Variants in PFKL observed in about 807,000 individuals in gnomAD.
PFKL encodes ATP-dependent 6-phosphofructokinase, liver type.
Under a neutral mutation model 92.1 loss-of-function variants are expected in PFKL, and 74 were observed. The ratio of observed to expected loss-of-function variants is 0.80; its 90% CI spans 0.67 to 0.97. The LOEUF (loss-of-function observed/expected upper bound fraction) is 0.97. PFKL is among the 50% of genes least tolerant of loss of function. The probability of loss-of-function intolerance (pLI) is 0.00; values close to 1 mark genes in which losing one functional copy is unlikely to be tolerated. For synonymous variants in PFKL, 494 were observed against 456.4 expected (o/e 1.08, Z -1.05); for missense variants, 1,028 against 1,116.6 (o/e 0.92, Z 1.13).
At chr21:44,310,947 A>C (rs2146449312) in intron 2 of PFKL, 59 bp from the exon 3 acceptor site, 2 of 1,282,760 alleles carry the variant, frequency 1.6e-6, no homozygotes, top group Non-Finnish European at 2.3e-6. Flanking sequence ...CTCCCAGACC[A>C]CTTGCTGCCG....
Position 44,324,313 on chromosome 21 carries a change from C to T in PFKL, c.1651-178C>T, listed in dbSNP as rs147713851. ...GGGGTGGGGTCGCCTGGTTGAGAAC[C>T]CCTGGTCCTGTGGGGCCCAGGTGGG... On this transcript the variant is annotated intron_variant, in intron 16 of 21. Coordinates refer to ENST00000349048, the MANE Select transcript of PFKL (RefSeq NM_002626.6). The T allele has an allele frequency of 2.7e-3, 1,766 of 644,670 alleles. 4 individuals carry two copies. Among genetic ancestry groups the T allele is most frequent in the Non-Finnish European group, 4.1e-3 (1,557 of 376,526 alleles). 39.9% of individuals were successfully genotyped at this position (644,670 alleles called of 1,614,324 possible).
intron 1 of PFKL, among the ~76,000 whole-genome samples, chr21:44,301,305 C>G (rs1469495299): frequency 6.6e-6 from 1 of 152,138 alleles, no homozygotes; most frequent in Non-Finnish European, 1.5e-5. Context: ...GCCCACCCGC[C>G]CTTTTCACAG....
At chr21:44,316,175 C>A in intron 7 of PFKL, 69 bp from the exon 8 acceptor site, 1 of 1,453,142 alleles carries the variant, frequency 6.9e-7, no homozygotes, top group Non-Finnish European at 9.6e-7. Context: ...GGGCTCCTGG[C>A]ACCCGGGGGC....
chr21:44,318,163 C>T (rs573903499), intron 9 of PFKL, among the ~76,000 whole-genome samples: 21 of 152,352 alleles, frequency 1.4e-4, no homozygotes, highest in African/African-American at 4.6e-4. Flanking sequence ...ACCTGGCTCC[C>T]GCCCTTGCCT....
Position 44,324,052 on chromosome 21 carries a change from C to T in PFKL, c.1650+134C>T. The T allele has an allele frequency of 5.9e-6, 6 of 1,012,962 alleles. No homozygotes were observed. In the South Asian group the frequency reaches 7.6e-5, roughly 13 times the overall value. 62.7% of individuals were successfully genotyped at this position (1,012,962 alleles called of 1,614,324 possible). A position where few individuals can be genotyped will look rare whatever the true frequency, so the allele number is the denominator to read the frequency against. On this transcript the variant is annotated intron_variant, in intron 16 of 21. Transcript: ENST00000349048. ...TGCCAGGGTTGGGGTTTGTGGGGCA[C>T]AGGCCCGGGTGAAGGGGCTCAGCTC...
At position 44,327,046 on chromosome 21, in the gene PFKL, A is replaced by G; in HGVS notation, c.*184A>G. ...GCCTCCCTCGGGCTGGTGTCTTGAG[A>G]CCAGCCTGCCAGGCCCTCCAGCAGG... On this transcript the variant is annotated 3_prime_UTR_variant, in exon 22 of 22. Transcript: ENST00000349048. 1 of 611,010 alleles carries G rather than the reference A, an allele frequency of 1.6e-6. No individual in the cohort carries two copies. The highest frequency in any genetic ancestry group is 2.9e-6 in the Non-Finnish European group (1 of 346,092). The allele number at this position is 611,010 out of a possible 1,614,324, so 37.8% of individuals were successfully genotyped here.
chr21:44,322,632 T>G (rs966973136), intron 14 of PFKL, among the ~76,000 whole-genome samples: 2 of 152,180 alleles, frequency 1.3e-5, no homozygotes, highest in South Asian at 4.1e-4. Context: ...ACTGAGTGGC[T>G]GCAAGGGCCA....
chr21:44,323,004 C>A lies in PFKL; in HGVS notation c.1452C>A (p.Ile484=), dbSNP rs144484471. The change falls in exon 15 of 22, where the codon ATC becomes ATA. Residue 484 remains isoleucine (I), a synonymous_variant. Coordinates refer to ENST00000349048, the MANE Select transcript of PFKL (RefSeq NM_002626.6). ...AGCTGGAGTCCATTGTGGAGAACATCCGCATCTATGGTATTCACGCCCTGC... is the reference window on the plus strand; with the variant it reads ...AGCTGGAGTCCATTGTGGAGAACATACGCATCTATGGTATTCACGCCCTGC... The part of the protein sequence containing the change: ...KGQLESIVEN[I]RIYGIHALLV... 8 of 1,612,996 alleles carry A rather than the reference C, an allele frequency of 5.0e-6. No homozygotes were observed. Among genetic ancestry groups the A allele is most frequent in the Non-Finnish European group, 6.8e-6 (8 of 1,179,654 alleles).
chr21:44,325,829 G>A (rs752324598), intron 19 of PFKL, 132 bp from the exon 20 acceptor site: 26 of 645,912 alleles, frequency 4.0e-5, no homozygotes, highest in Non-Finnish European at 6.9e-5. Flanking sequence ...CGGGAACGGT[G>A]CACGGGTTGG....
chr21:44,327,131 T>C lies in PFKL; in HGVS notation c.*269T>C. ...CCAGGGGACGTGGCGCTGTCGGTGT[T>C]TGGAGGCTGCTGCCCCCTGGCTTTG... On this transcript the variant is annotated 3_prime_UTR_variant, in exon 22 of 22. Transcript: ENST00000349048. The C allele has an allele frequency of 1.9e-6, 1 of 515,156 alleles. No individual in the cohort carries two copies. Among genetic ancestry groups the C allele is most frequent in the Non-Finnish European group, 3.5e-6 (1 of 283,132 alleles). 31.9% of individuals were successfully genotyped at this position (515,156 alleles called of 1,614,324 possible).
At chr21:44,302,824 C>T (rs2040814173) in intron 1 of PFKL, among the ~76,000 whole-genome samples, 1 of 152,208 alleles carries the variant, frequency 6.6e-6, no homozygotes, top group African/African-American at 2.4e-5. Context: ...AAGTCCTGTC[C>T]TGTGTGGCTC....
intron 11 of PFKL, 84 bp downstream of exon 11, chr21:44,319,499 G>A (rs2047304235): frequency 8.5e-7 from 1 of 1,173,926 alleles, no homozygotes; most frequent in Non-Finnish European, 1.3e-6. Flanking sequence ...CGCTATGCAC[G>A]CCTGGCCTGG....
rs534805886 is a variant in PFKL, at chr21:44,318,610, C to T, written c.1062+15C>T. The T allele has an allele frequency of 2.3e-5, 34 of 1,457,402 alleles. No homozygotes were observed. In the East Asian group the frequency reaches 6.6e-4, roughly 28 times the overall value. The allele number at this position is 1,457,402 out of a possible 1,614,324, so 90.3% of individuals were successfully genotyped here. ...GCGTGCAGATGGTAAGCCCTGGGCCCCCCCCATCAGAACCGCCTGGCCCCT... is the reference window on the plus strand; with the variant it reads ...GCGTGCAGATGGTAAGCCCTGGGCCTCCCCCATCAGAACCGCCTGGCCCCT... On this transcript the variant is annotated intron_variant, in intron 10 of 21. Transcript: ENST00000349048.
At chr21:44,324,465 A>G (rs779351656) in intron 16 of PFKL, 26 bp from the exon 17 acceptor site, 65 of 1,608,064 alleles carry the variant, frequency 4.0e-5, no homozygotes, top group Non-Finnish European at 5.2e-5. Context: ...CACGTGGAGG[A>G]CCCCCGACCC....
rs1402978186 is a variant in PFKL at position 44,327,125 on chromosome 21, C to T, written c.*263C>T. The stretch of plus-strand genomic sequence containing the variant: ...TCCTGCCCAGGGGACGTGGCGCTGT[C>T]GGTGTTTGGAGGCTGCTGCCCCCTG... On this transcript the variant is annotated 3_prime_UTR_variant, in exon 22 of 22. Transcript: ENST00000349048. 5 of 524,798 alleles carry T rather than the reference C, an allele frequency of 9.5e-6. No individual in the cohort carries two copies. Among genetic ancestry groups the T allele is most frequent in the Admixed American group, 6.3e-5 (2 of 31,540 alleles). The allele number at this position is 524,798 out of a possible 1,614,324, so 32.5% of individuals were successfully genotyped here. A position where few individuals can be genotyped will look rare whatever the true frequency, so the allele number is the denominator to read the frequency against.
At chr21:44,310,053 C>G (rs1202779852) in intron 2 of PFKL, among the ~76,000 whole-genome samples, 1 of 152,224 alleles carries the variant, frequency 6.6e-6, no homozygotes, top group East Asian at 1.9e-4. Context: ...TGGCATCCGC[C>G]CTGGCCGAGG....
intron 2 of PFKL, among the ~76,000 whole-genome samples, chr21:44,309,609 C>G (rs2041056153): frequency 6.6e-6 from 1 of 152,214 alleles, no homozygotes; most frequent in South Asian, 2.1e-4. Context: ...CCCAGTGGGG[C>G]AGGGGCCTGG....
At chr21:44,313,168 C>G (rs370816524) in intron 5 of PFKL, 25 bp downstream of exon 5, 29 of 1,610,304 alleles carry the variant, frequency 1.8e-5, no homozygotes, top group Non-Finnish European at 2.5e-5. Flanking sequence ...CGCCGGCGGC[C>G]AGCCCAGGGC....
Position 44,326,075 on chromosome 21 carries a change from C to A in PFKL, c.2089+15C>A, listed in dbSNP as rs368732092. 6.2e-7 allele frequency: 1 copy of A among 1,609,876 alleles called. No individual in the cohort carries two copies. Among genetic ancestry groups the A allele is most frequent in the African/African-American group, 1.3e-5 (1 of 74,868 alleles). ...TTACCGCAAGGGTAGGTGGTGGGTG[C>A]GACCCGAGGCCTCACTTTGCCCTCC... On this transcript the variant is annotated intron_variant, in intron 20 of 21. Coordinates refer to ENST00000349048, the MANE Select transcript of PFKL (RefSeq NM_002626.6).
Sources: allele counts gnomAD v4.1 joint callset (sites outside exome capture counted in the v4.1 genomes callset), GRCh38; gene constraint gnomAD v4.1.1; transcripts MANE v1.5; gene names NCBI Gene and HGNC (gene_info 2026-07-23, HGNC 2026-07-21).